RANBP2: variants seen among roughly 807,000 people sequenced by gnomAD.
RANBP2 encodes RAN binding protein 2.
RANBP2 carries 57 observed loss-of-function variants against 303.6 expected under a neutral mutation model. The ratio of observed to expected loss-of-function variants is 0.19; its 90% CI spans 0.15 to 0.23. The LOEUF (loss-of-function observed/expected upper bound fraction) is 0.23, where lower values mean the gene tolerates loss of function less well. Ranked by LOEUF, RANBP2 falls within the 10% of genes least tolerant of loss-of-function variation. RANBP2 has a pLI of 1.00. For synonymous variants in RANBP2, 1,167 were observed against 1,301.5 expected (o/e 0.90, Z 2.23); for missense variants, 3,138 against 3,780.8 (o/e 0.83, Z 4.46).
At chr2:109,423,417 G>A in the RANBP2 span, among the ~76,000 whole-genome samples, 3 of 152,214 alleles carry the variant, frequency 2.0e-5, no homozygotes, top group Admixed American at 6.5e-5. Flanking sequence ...TGGTCAAAAG[G>A]CCACCAAACC....
At chr2:109,633,923 T>C in the RANBP2 span, among the ~76,000 whole-genome samples, 151,074 of 151,806 alleles carry the variant, frequency 1, 75,178 homozygotes, top group Middle Eastern at 1. Context: ...AGTTCGAGAC[T>C]AGCCTGGCCT....
the RANBP2 span, among the ~76,000 whole-genome samples, chr2:109,725,611 C>G: frequency 6.6e-5 from 10 of 152,308 alleles, no homozygotes; most frequent in South Asian, 1.7e-3. Flanking sequence ...TGTCAGTCTT[C>G]TTGCTGAGGA....
chr2:109,338,819 A>G, the RANBP2 span, among the ~76,000 whole-genome samples: 578 of 152,226 alleles, frequency 3.8e-3, 4 homozygotes, highest in African/African-American at 0.013. Flanking sequence ...CGGCCTCCCA[A>G]AGTGTGTGAG....
At chr2:109,347,559 A>T in the RANBP2 span, 1 of 1,385,058 alleles carries the variant, frequency 7.2e-7, no homozygotes, top group Non-Finnish European at 9.7e-7. Context: ...GGCACTCTGT[A>T]TGCACCCCCA....
chr2:108,994,919 T>C, the RANBP2 span, among the ~76,000 whole-genome samples: 2 of 144,304 alleles, frequency 1.4e-5, no homozygotes, highest in Non-Finnish European at 3.0e-5. Flanking sequence ...AAGCTCCACC[T>C]CCCGGGTTCA....
At chr2:109,217,215 C>T in the RANBP2 span, among the ~76,000 whole-genome samples, 1 of 152,194 alleles carries the variant, frequency 6.6e-6, no homozygotes, top group Non-Finnish European at 1.5e-5. Flanking sequence ...AGACAATATT[C>T]TGGGAGCAAT....
the RANBP2 span, among the ~76,000 whole-genome samples, chr2:109,149,160 A>G: frequency 2.6e-5 from 4 of 152,260 alleles, no homozygotes; most frequent in African/African-American, 9.6e-5. Flanking sequence ...GCTCACATTG[A>G]TGGAGTGGGC....
chr2:108,928,385 T>C, the RANBP2 span, among the ~76,000 whole-genome samples: 1 of 152,154 alleles, frequency 6.6e-6, no homozygotes, highest in Non-Finnish European at 1.5e-5. Flanking sequence ...CCTAGGACAC[T>C]CTGAGTGTGC....
chr2:108,956,872 T>A, the RANBP2 span, among the ~76,000 whole-genome samples: 1 of 151,666 alleles, frequency 6.6e-6, no homozygotes, highest in Non-Finnish European at 1.5e-5. Flanking sequence ...CACCGCAACC[T>A]CCACCTCCCA....
chr2:108,724,514 T>G (rs530099862), intron 1 of RANBP2, among the ~76,000 whole-genome samples: 1 of 152,342 alleles, frequency 6.6e-6, no homozygotes, highest in South Asian at 2.1e-4. Flanking sequence ...AGTTCTGTTG[T>G]TAGGAGTCCG....
the RANBP2 span, among the ~76,000 whole-genome samples, chr2:108,998,027 A>G: frequency 3.3e-5 from 5 of 152,338 alleles, no homozygotes; most frequent in East Asian, 5.8e-4. Flanking sequence ...TTTATGGGTC[A>G]TGCTGAATTG....
chr2:109,680,084 A>G, the RANBP2 span, among the ~76,000 whole-genome samples: 1 of 151,794 alleles, frequency 6.6e-6, no homozygotes, highest in Non-Finnish European at 1.5e-5. Context: ...GATGGCTCAC[A>G]CCTGTAATCC....
the RANBP2 span, among the ~76,000 whole-genome samples, chr2:108,871,830 T>C: frequency 6.6e-6 from 1 of 152,176 alleles, no homozygotes; most frequent in Admixed American, 6.5e-5. Context: ...TAGTCATAGT[T>C]TATCTTTTTA....
chr2:108,773,306 C>T (rs1044583810), intron 23 of RANBP2, among the ~76,000 whole-genome samples: 11 of 151,674 alleles, frequency 7.3e-5, no homozygotes, highest in South Asian at 2.1e-4. Flanking sequence ...TTAGTAGAGA[C>T]GGGATTTCGC....
At chr2:108,838,373 A>G in the RANBP2 span, among the ~76,000 whole-genome samples, 1 of 152,238 alleles carries the variant, frequency 6.6e-6, no homozygotes, top group South Asian at 2.1e-4. Flanking sequence ...CATAATCATT[A>G]GTCCGGAGAA....
chr2:109,438,123 C>T, the RANBP2 span, among the ~76,000 whole-genome samples: 1 of 152,206 alleles, frequency 6.6e-6, no homozygotes, highest in African/African-American at 2.4e-5. Flanking sequence ...CAGAAAGCAG[C>T]TTCTCAAGTG....
At chr2:109,292,918 G>A in the RANBP2 span, among the ~76,000 whole-genome samples, 6 of 152,260 alleles carry the variant, frequency 3.9e-5, no homozygotes, top group Middle Eastern at 3.4e-3. Context: ...TTTTAGTAGA[G>A]ACAGGGTTTC....
the RANBP2 span, among the ~76,000 whole-genome samples, chr2:109,105,946 C>G: frequency 6.6e-6 from 1 of 151,500 alleles, no homozygotes; most frequent in African/African-American, 2.4e-5. Context: ...CTCTGCCTCC[C>G]AGGTTCAAGC....
chr2:109,264,404 G>A, the RANBP2 span, among the ~76,000 whole-genome samples: 12 of 152,082 alleles, frequency 7.9e-5, no homozygotes, highest in African/African-American at 2.4e-4. Flanking sequence ...GAGTCTGTGG[G>A]TGCCCCCCAT....
Sources: allele counts gnomAD v4.1 joint callset (sites outside exome capture counted in the v4.1 genomes callset), GRCh38; gene constraint gnomAD v4.1.1; transcripts MANE v1.5; gene names NCBI Gene and HGNC (gene_info 2026-07-23, HGNC 2026-07-21).